C12orf42: variants seen among roughly 807,000 people sequenced by gnomAD.
The protein encoded by C12orf42 is chromosome 12 open reading frame 42.
C12orf42 carries 25 observed loss-of-function variants against 21.6 expected under a neutral mutation model. That is an observed-to-expected ratio of 1.16 (90% CI 0.84 to 1.62). The LOEUF is 1.62. Among genes scored for constraint, C12orf42 ranks in the 40% most tolerant of loss-of-function variants. The probability of loss-of-function intolerance (pLI) is 0.00; values close to 1 mark genes in which losing one functional copy is unlikely to be tolerated. For missense variants in C12orf42, 483 were observed against 459.3 expected, an observed-to-expected ratio of 1.05 and a Z score of -0.47; for synonymous variants, 174 against 175.0, an observed-to-expected ratio of 0.99 and a Z score of 0.05.
the C12orf42 span, among the ~76,000 whole-genome samples, chr12:103,501,687 T>C: frequency 6.6e-6 from 1 of 152,196 alleles, no homozygotes; most frequent in Non-Finnish European, 1.5e-5. Context: ...CATTGACATA[T>C]ATAATTTAAT....
intron 4 of C12orf42, among the ~76,000 whole-genome samples, chr12:103,319,064 C>T (rs534996184): frequency 6.6e-6 from 1 of 152,284 alleles, no homozygotes; most frequent in Non-Finnish European, 1.5e-5. Context: ...CTTTCATTCT[C>T]CCCACTTCAG....
At chr12:103,532,723 T>C in the C12orf42 span, among the ~76,000 whole-genome samples, 1 of 152,242 alleles carries the variant, frequency 6.6e-6, no homozygotes, top group Admixed American at 6.5e-5. Flanking sequence ...CACTGTCCTG[T>C]GTCATTTGCA....
At chr12:103,403,172 G>T (rs879525580) in intron 2 of C12orf42, among the ~76,000 whole-genome samples, 1 of 152,032 alleles carries the variant, frequency 6.6e-6, no homozygotes, top group East Asian at 1.9e-4. Context: ...TCAGGAGATC[G>T]AGACCACCCT....
the C12orf42 span, among the ~76,000 whole-genome samples, chr12:103,070,449 G>A: frequency 6.6e-6 from 1 of 151,606 alleles, no homozygotes; most frequent in South Asian, 2.1e-4. Flanking sequence ...TCTCCACAAT[G>A]TTGACTTTCA....
chr12:103,509,238 T>C, the C12orf42 span, among the ~76,000 whole-genome samples: 1 of 152,220 alleles, frequency 6.6e-6, no homozygotes, highest in African/African-American at 2.4e-5. Context: ...CCTAACCTTA[T>C]GCTTCAATGA....
intron 10 of C12orf42, among the ~76,000 whole-genome samples, chr12:103,247,785 C>T (rs899147938): frequency 2.0e-5 from 3 of 151,942 alleles, no homozygotes; most frequent in African/African-American, 7.2e-5. Flanking sequence ...GAATTTAAAG[C>T]TTTTTTAAAT....
chr12:103,421,957 A>G (rs1046895895), intron 2 of C12orf42, among the ~76,000 whole-genome samples: 2 of 152,228 alleles, frequency 1.3e-5, no homozygotes, highest in African/African-American at 4.8e-5. Context: ...CAGAAATTAT[A>G]TTATTTGTTT....
At chr12:103,286,898 T>G (rs1200293818) in intron 4 of C12orf42, among the ~76,000 whole-genome samples, 2 of 150,046 alleles carry the variant, frequency 1.3e-5, no homozygotes, top group East Asian at 3.9e-4. Flanking sequence ...TACAACATCA[T>G]ATCTGCACTC....
the C12orf42 span, among the ~76,000 whole-genome samples, chr12:103,076,004 G>A: frequency 6.9e-4 from 105 of 152,248 alleles, no homozygotes; most frequent in African/African-American, 2.5e-3. Flanking sequence ...AGTTTGAAAT[G>A]CTTTGAGACA....
At position 103,279,205 on chromosome 12, in the gene C12orf42, A is replaced by G. The variant is rs115043793; in HGVS notation, n.338-1995T>C. Among the ~76,000 whole-genome samples the G allele has an allele frequency of 1.7e-3, 257 of 152,362 alleles. 1 individual carries two copies. The highest frequency in any genetic ancestry group is 6.1e-3 in the African/African-American group (254 of 41,596). On this transcript the variant is annotated intron_variant and non_coding_transcript_variant, in intron 4 of 6. Coordinates refer to the C12orf42 transcript ENST00000546526. Reference sequence around the variant, plus strand: ...ATGCTTAAAATGCTCTTAAGAAGGTAGATCTCAAGTTAAGTGTTCTTACTG... The same window carrying G: ...ATGCTTAAAATGCTCTTAAGAAGGTGGATCTCAAGTTAAGTGTTCTTACTG...
At chr12:103,058,103 G>A in the C12orf42 span, among the ~76,000 whole-genome samples, 3 of 151,592 alleles carry the variant, frequency 2.0e-5, no homozygotes, top group East Asian at 1.9e-4. Context: ...CTACAGGCAC[G>A]TGCCACCAGG....
At chr12:103,555,826 G>A in the C12orf42 span, among the ~76,000 whole-genome samples, 4 of 152,024 alleles carry the variant, frequency 2.6e-5, no homozygotes, top group East Asian at 7.7e-4. Context: ...GAACTACTAG[G>A]AGGGTGTGGT....
intron 2 of C12orf42, among the ~76,000 whole-genome samples, chr12:103,436,396 T>C (rs1360449978): frequency 1.3e-5 from 2 of 151,106 alleles, no homozygotes; most frequent in Non-Finnish European, 2.9e-5. Flanking sequence ...AATTCACACA[T>C]AAAAATATTA....
the C12orf42 span, among the ~76,000 whole-genome samples, chr12:103,518,327 C>G: frequency 9.2e-5 from 14 of 152,282 alleles, 1 homozygote; most frequent in Admixed American, 2.6e-4. Flanking sequence ...GAAACCAAGC[C>G]ATCCCATTGG....
chr12:103,436,810 A>G (rs1950758994), intron 2 of C12orf42, among the ~76,000 whole-genome samples: 1 of 151,930 alleles, frequency 6.6e-6, no homozygotes, highest in Non-Finnish European at 1.5e-5. Context: ...ATAATGGGAG[A>G]CTTTAACACC....
intron 10 of C12orf42, among the ~76,000 whole-genome samples, chr12:103,250,742 A>C (rs1461933806): frequency 4.6e-5 from 7 of 152,050 alleles, no homozygotes; most frequent in Non-Finnish European, 1.0e-4. Context: ...TGTTTTCTCC[A>C]ATGCCACTTT....
the C12orf42 span, among the ~76,000 whole-genome samples, chr12:103,069,325 C>T: frequency 6.6e-6 from 1 of 151,718 alleles, no homozygotes; most frequent in Non-Finnish European, 1.5e-5. Context: ...TTTTCCTCAA[C>T]TTATGGTGTG....
intron 2 of C12orf42, chr12:103,476,881 T>G (rs1379158916): frequency 1.3e-5 from 2 of 152,226 alleles, no homozygotes; most frequent in African/African-American, 4.8e-5. Flanking sequence ...TGATGTCAGT[T>G]GTAAATCTGG....
chr12:103,160,748 G>A, the C12orf42 span, among the ~76,000 whole-genome samples: 1 of 152,188 alleles, frequency 6.6e-6, no homozygotes, highest in Non-Finnish European at 1.5e-5. Context: ...ATGCTTTGGG[G>A]AAAATACAGT....
Sources: allele counts gnomAD v4.1 joint callset (sites outside exome capture counted in the v4.1 genomes callset), GRCh38; gene constraint gnomAD v4.1.1; transcripts MANE v1.5; gene names NCBI Gene and HGNC (gene_info 2026-07-23, HGNC 2026-07-21).